GRAMD1B: variants seen among roughly 807,000 people sequenced by gnomAD.
GRAMD1B encodes the protein GRAM domain containing 1B.
In GRAMD1B, 37 loss-of-function variants were observed where a neutral mutation model predicts 99.7. That is an observed-to-expected ratio of 0.37 (90% CI 0.29 to 0.49). The LOEUF (loss-of-function observed/expected upper bound fraction) is 0.49, where lower values mean the gene tolerates loss of function less well. Ranked by LOEUF, GRAMD1B falls within the 20% of genes least tolerant of loss-of-function variation. The pLI, the probability that GRAMD1B is intolerant of heterozygous loss-of-function variation, is 0.98. For missense variants in GRAMD1B, 888 were observed against 1,009.2 expected (o/e 0.88, Z 1.63); for synonymous variants, 427 against 387.6 (o/e 1.10, Z -1.19).
rs544581610 is a variant in GRAMD1B at position 123,483,789 on chromosome 11, T to C, written c.452+2896T>C. Among the ~76,000 whole-genome samples the C allele has an allele frequency of 1.5e-4, 23 of 152,188 alleles. No homozygotes were observed. The East Asian group carries it at 3.3e-3, about 22-fold the overall frequency. On this transcript the variant is annotated intron_variant, in intron 2 of 19. Transcript: ENST00000635736. ...GAGTGTTCAAGCAAAAGCTGGGTGG[T>C]GTGTCAAAAGGGATTTCGTTCTGGT... is the stretch of plus-strand genomic sequence containing the variant.
chr11:123,506,662 A>G (rs1025186617), intron 2 of GRAMD1B, among the ~76,000 whole-genome samples: 9 of 152,190 alleles, frequency 5.9e-5, no homozygotes, highest in African/African-American at 2.2e-4. Context: ...TCTTATGAAG[A>G]ATTATTTAGA....
chr11:123,519,851 G>C (rs1942030988), intron 2 of GRAMD1B, among the ~76,000 whole-genome samples: 1 of 152,258 alleles, frequency 6.6e-6, no homozygotes, highest in Non-Finnish European at 1.5e-5. Flanking sequence ...AGATGAGGAG[G>C]TGGGAGGCAG....
At chr11:123,568,531 C>T (rs1947665340) in intron 2 of GRAMD1B, among the ~76,000 whole-genome samples, 2 of 152,242 alleles carry the variant, frequency 1.3e-5, no homozygotes, top group Non-Finnish European at 2.9e-5. Context: ...AGGTTCATTT[C>T]TGTCAAGATG....
At chr11:123,517,756 C>T (rs1398409647) in intron 2 of GRAMD1B, among the ~76,000 whole-genome samples, 1 of 152,196 alleles carries the variant, frequency 6.6e-6, no homozygotes, top group Non-Finnish European at 1.5e-5. Flanking sequence ...TGTCCTTGGG[C>T]AGACGACTTT....
intron 2 of GRAMD1B, among the ~76,000 whole-genome samples, chr11:123,533,706 C>T (rs934716011): frequency 1.3e-5 from 2 of 152,338 alleles, no homozygotes; most frequent in South Asian, 2.1e-4. Flanking sequence ...GGTTTACTGG[C>T]GTGAGCCACT....
chr11:123,583,289 GGTGT>G (rs55823718), intron 3 of GRAMD1B, among the ~76,000 whole-genome samples: 1 of 149,756 alleles, frequency 6.7e-6, no homozygotes, highest in Non-Finnish European at 1.5e-5. Flanking sequence ...ATGTGTGTGT[GGTGT>G]GTGTGAATGT....
rs1029792188 is a variant in GRAMD1B at position 123,430,766 on chromosome 11, A to AG, written c.-22dup. 2 of 649,410 alleles carry AG rather than the reference A, an allele frequency of 3.1e-6. No homozygotes were observed. Among genetic ancestry groups the AG allele is most frequent in the African/African-American group, 3.6e-5 (2 of 55,420 alleles). 40.2% of individuals were successfully genotyped at this position (649,410 alleles called of 1,614,324 possible). A position where few individuals can be genotyped will look rare whatever the true frequency, so the allele number is the denominator to read the frequency against. ...GAACCAGGCCGCTGGCGGAGGGCTC[A>AG]GGGGGAGCGCAGAGGCGACGGCCCC... On this transcript the variant is annotated 5_prime_UTR_variant, in exon 1 of 20. Transcript: ENST00000635736.
At chr11:123,504,393 G>A (rs1007165487) in intron 2 of GRAMD1B, among the ~76,000 whole-genome samples, 5 of 152,110 alleles carry the variant, frequency 3.3e-5, no homozygotes, top group African/African-American at 1.2e-4. Flanking sequence ...GACTGACCCC[G>A]AAGGCTTAGC....
At position 123,450,408 on chromosome 11, in the gene GRAMD1B, A is replaced by G. The variant is rs187517792; in HGVS notation, c.374+19242A>G. On this transcript the variant is annotated intron_variant, in intron 1 of 19. Coordinates refer to ENST00000635736, the MANE Select transcript of GRAMD1B (RefSeq NM_001387025.1). ...CTAATCCAACAAACATTTATTGAAC[A>G]TACACTACATGCCAGATACCGTTCC... Among the ~76,000 whole-genome samples, 287 of 152,294 alleles carry G rather than the reference A, an allele frequency of 1.9e-3. 5 individuals are homozygous for G. The highest frequency in any genetic ancestry group is 7.8e-4 in the Non-Finnish European group (53 of 68,034).
intron 2 of GRAMD1B, among the ~76,000 whole-genome samples, chr11:123,506,015 A>G (rs1337468026): frequency 6.6e-6 from 1 of 152,200 alleles, no homozygotes; most frequent in Non-Finnish European, 1.5e-5. Context: ...ATCAGCACCC[A>G]GACTCTGGAG....
rs1014143207 is a variant in GRAMD1B at position 123,430,281 on chromosome 11, GTCTC to G, written c.-505_-502del. The stretch of plus-strand genomic sequence containing the variant: ...GCTTCCTCTCTCTCTCTCTCTCTCT[GTCTC>G]TCTCTCCCTTTCCCTCCTACCACTG... On this transcript the variant is annotated 5_prime_UTR_variant, in exon 1 of 20. Transcript: ENST00000635736. 9.2e-5 allele frequency: 11 copies of G among 119,080 alleles called. No homozygotes were observed. Among genetic ancestry groups the G allele is most frequent in the African/African-American group, 3.2e-4 (11 of 34,174 alleles). The allele number at this position is 119,080 out of a possible 1,614,324, so 7.4% of individuals were successfully genotyped here.
At position 123,559,622 on chromosome 11, in the gene GRAMD1B, A is replaced by G. The variant is rs377637095; in HGVS notation, c.453-17745A>G. 4.0e-5 allele frequency: 37 copies of G among 922,372 alleles called. No individual in the cohort carries two copies. The East Asian group carries it at 9.4e-4, about 23-fold the overall frequency. 57.1% of individuals were successfully genotyped at this position (922,372 alleles called of 1,614,324 possible). A position where few individuals can be genotyped will look rare whatever the true frequency, so the allele number is the denominator to read the frequency against. On this transcript the variant is annotated intron_variant, in intron 2 of 19. Coordinates refer to ENST00000635736, the MANE Select transcript of GRAMD1B (RefSeq NM_001387025.1). ...ACTGCATTTCGGTGAATGGACAGAG[A>G]AAAAAAAAACACTTCTAAGAGGTGC...
intron 2 of GRAMD1B, among the ~76,000 whole-genome samples, chr11:123,539,869 A>G (rs1480319797): frequency 6.6e-6 from 1 of 152,120 alleles, no homozygotes; most frequent in Non-Finnish European, 1.5e-5. Context: ...AATCCCAGTT[A>G]TCCTCCAGAA....
At chr11:123,493,081 C>T (rs1165961141) in intron 2 of GRAMD1B, among the ~76,000 whole-genome samples, 1 of 152,174 alleles carries the variant, frequency 6.6e-6, no homozygotes, top group African/African-American at 2.4e-5. Flanking sequence ...ATAAGGAAGT[C>T]TCTGATCCTG....
chr11:123,369,967 T>C (rs982235542), intron 1 of GRAMD1B, among the ~76,000 whole-genome samples: 8 of 151,896 alleles, frequency 5.3e-5, no homozygotes, highest in Admixed American at 2.0e-4. Flanking sequence ...ACAGCAAAGA[T>C]GAGTTATGCT....
intron 1 of GRAMD1B, among the ~76,000 whole-genome samples, chr11:123,392,632 C>T (rs140698437): frequency 2.6e-5 from 4 of 152,204 alleles, no homozygotes; most frequent in South Asian, 2.1e-4. Context: ...TTTTATCATT[C>T]TATAAAGTCT....
chr11:123,495,114 T>TACACACACACACACACAC (rs10695354), intron 2 of GRAMD1B, among the ~76,000 whole-genome samples: 205 of 148,642 alleles, frequency 1.4e-3, no homozygotes, highest in African/African-American at 5.0e-3. Flanking sequence ...TATATATACA[T>TACACACACACACACACAC]ACACACACAC....
chr11:123,436,724 A>T (rs1591530234), intron 1 of GRAMD1B, among the ~76,000 whole-genome samples: 1 of 152,310 alleles, frequency 6.6e-6, no homozygotes, highest in Admixed American at 6.5e-5. Flanking sequence ...GCAAAGCATC[A>T]TCTTAACTAC....
At chr11:123,520,098 C>G (rs1369957937) in intron 2 of GRAMD1B, among the ~76,000 whole-genome samples, 1 of 152,156 alleles carries the variant, frequency 6.6e-6, no homozygotes, top group African/African-American at 2.4e-5. Flanking sequence ...AGGAACAGTG[C>G]CAGGGTAGGC....
Sources: gnomAD v4.1 joint callset for allele counts (sites outside exome capture counted in the v4.1 genomes callset) on GRCh38, gnomAD v4.1.1 for gene constraint, MANE v1.5 for transcripts, NCBI Gene and HGNC (gene_info 2026-07-23, HGNC 2026-07-21) for gene names.